The following HAPLN3 variants were observed in gnomAD, a reference collection of about 807,000 sequenced individuals.
The protein encoded by HAPLN3 is extracellular link domain containing, 1.
A neutral mutation model predicts 28.1 loss-of-function variants in HAPLN3; 28 were observed. The observed-to-expected ratio is 1.00, with a 90% CI of 0.74 to 1.37. HAPLN3 has a LOEUF of 1.37. Ranked by LOEUF, HAPLN3 falls within the 40% of genes most tolerant of loss-of-function variation. The pLI is 0.00. For missense variants in HAPLN3, 513 were observed against 504.6 expected (o/e 1.02, Z -0.16); for synonymous variants, 211 against 213.1 (o/e 0.99, Z 0.09).
At position 88,878,012 on chromosome 15, in the gene HAPLN3, C is replaced by T. The variant is rs762772291; in HGVS notation, c.1041G>A (p.Pro347=). ...PGVRSFGFPD[P]QSRLYGVYCY... The stretch of plus-strand genomic sequence containing the variant: ...AGTAAACACCGTACAAGCGGCTCTG[C>T]GGGTCGGGGAAGCCAAAGCTTCGGA... Residue 347 remains proline, a synonymous_variant, in exon 5 of 5, where the codon CCG becomes CCA. Transcript: ENST00000359595. The T allele has an allele frequency of 1.1e-5, 17 of 1,613,368 alleles. No individual in the cohort carries two copies. Among genetic ancestry groups the T allele is most frequent in the Middle Eastern group, 1.6e-4 (1 of 6,082 alleles).
intron 1 of HAPLN3, chr15:88,892,945 A>C: frequency 2.6e-6 from 4 of 1,533,044 alleles, no homozygotes; most frequent in Non-Finnish European, 3.5e-6. Flanking sequence ...ACCAGCTGGA[A>C]GGCCCAAGAC....
chr15:88,885,632 T>A (rs1252683014), intron 2 of HAPLN3, among the ~76,000 whole-genome samples: 1 of 152,114 alleles, frequency 6.6e-6, no homozygotes, highest in Non-Finnish European at 1.5e-5. Flanking sequence ...TACTTTTGTA[T>A]TTTTAGTAGA....
In HAPLN3 at chr15:88,879,251, T is replaced by A; in HGVS notation, c.512A>T (p.Gln171Leu). The change falls in exon 4 of 5, where the codon CAG becomes CTG. Residue 171 changes from glutamine to leucine, a missense_variant. Transcript: ENST00000359595. This position sits in a 1 kb window ranked among gnomAD's most constrained non-coding sequence, Gnocchi z 5.0. ...LELRGVVFPY[Q>L]SPNGRYQFNF... ...GAACTGGTAGCGCCCGTTGGGGGACTGGTAAGGAAAGACCACACCTGCAGG... is the reference window on the plus strand; with the variant it reads ...GAACTGGTAGCGCCCGTTGGGGGACAGGTAAGGAAAGACCACACCTGCAGG... 1.9e-6 allele frequency: 3 copies of A among 1,606,696 alleles called. No individual in the cohort carries two copies. The highest frequency in any genetic ancestry group is 1.3e-5 in the African/African-American group (1 of 74,946).
Position 88,881,576 on chromosome 15 carries a change from A to G in HAPLN3, c.274T>C (p.Ser92Pro). The G allele has an allele frequency of 6.2e-7, 1 of 1,614,030 alleles. No homozygotes were observed. Among genetic ancestry groups the G allele is most frequent in the South Asian group, 1.1e-5 (1 of 91,078 alleles). Residue 92 changes from serine (S) to proline (P), a missense_variant, in exon 3 of 5, where the codon TCG becomes CCG. Transcript: ENST00000359595. The surrounding 1 kb of genome is among the most constrained non-coding windows in gnomAD (Gnocchi z 6.0). ...RRVRVKWWKL[S>P]ENGAPEKDVL... is the part of the protein sequence containing the mutation. ...TCCTTCTCTGGGGCCCCGTTCTCCGACAGCTTCCACCATTTGACACGCACA... is the reference window on the plus strand; with the variant it reads ...TCCTTCTCTGGGGCCCCGTTCTCCGGCAGCTTCCACCATTTGACACGCACA...
intron 2 of HAPLN3, among the ~76,000 whole-genome samples, chr15:88,886,541 C>T (rs1399290495): frequency 1.3e-5 from 2 of 151,104 alleles, no homozygotes; most frequent in African/African-American, 4.9e-5. Flanking sequence ...GATTCAAACT[C>T]GGGCCAGGCA....
In HAPLN3 at chr15:88,881,589, T is replaced by A. The variant is rs776092317; in HGVS notation, c.261A>T (p.Lys87Asn). 4 of 1,613,962 alleles carry A rather than the reference T, an allele frequency of 2.5e-6. No individual in the cohort carries two copies. Residue 87 changes from lysine (K) to asparagine (N), a missense_variant, in exon 3 of 5, where the codon AAA (lysine) becomes AAT (asparagine). Lys to Asn is a moderately conservative substitution (Grantham distance 94). Coordinates refer to ENST00000359595, the MANE Select transcript of HAPLN3 (RefSeq NM_178232.4). The surrounding 1 kb of genome is among the most constrained non-coding windows in gnomAD (Gnocchi z 6.0). ...CCCCGTTCTCCGACAGCTTCCACCA[T>A]TTGACACGCACACGCCGCGGGGAGA... is the stretch of plus-strand genomic sequence containing the variant. Reference protein sequence around the residue: ...ALVSPRRVRVKWWKLSENGAP... With the variant: ...ALVSPRRVRVNWWKLSENGAP...
In HAPLN3 at chr15:88,879,152, G is replaced by C; in HGVS notation, c.611C>G (p.Ala204Gly). ...GCACCAGTCCAGGCCCTCCTCCCAG[G>C]CCCGGAAGAGCTGCTCAAAGGAGGC... The part of the protein sequence containing the change: ...VVASFEQLFR[A>G]WEEGLDWCNA... Residue 204 changes from alanine (A) to glycine (G), a missense_variant, in exon 4 of 5, where the codon GCC becomes GGC. Physicochemically the swap from Ala to Gly is moderately conservative, Grantham distance 60 (BLOSUM62 0). Transcript: ENST00000359595. This position sits in a 1 kb window ranked among gnomAD's most constrained non-coding sequence, Gnocchi z 5.0. The C allele has an allele frequency of 6.2e-7, 1 of 1,613,812 alleles. No homozygotes were observed. The highest frequency in any genetic ancestry group is 8.5e-7 in the Non-Finnish European group (1 of 1,179,968).
rs1897680578 is a variant in HAPLN3, at chr15:88,880,963, GT to G, written c.493+393del. On this transcript the variant is annotated intron_variant, in intron 3 of 4. Transcript: ENST00000359595. The surrounding 1 kb of genome is among the most constrained non-coding windows in gnomAD (Gnocchi z 6.0). ...TCCCCACCACTCCCATCGTCTCACA[GT>G]GGGCTGCCTCATTCGCTTGTGTTAC... is the stretch of plus-strand genomic sequence containing the variant. 6.6e-6 allele frequency among the ~76,000 whole-genome samples: 1 copy of G among 152,154 alleles called. No individual in the cohort carries two copies. The highest frequency in any genetic ancestry group is 2.4e-5 in the African/African-American group (1 of 41,430).
intron 1 of HAPLN3, among the ~76,000 whole-genome samples, chr15:88,892,479 A>G (rs1418904096): frequency 1.3e-5 from 2 of 151,968 alleles, no homozygotes; most frequent in African/African-American, 2.4e-5. Context: ...AAAGAAAAAC[A>G]AAAGGAATTA....
rs1488768224 is a variant in HAPLN3, at chr15:88,879,614, G to A, written c.494-345C>T. On this transcript the variant is annotated intron_variant, in intron 3 of 4. Coordinates refer to ENST00000359595, the MANE Select transcript of HAPLN3 (RefSeq NM_178232.4). This position sits in a 1 kb window ranked among gnomAD's most constrained non-coding sequence, Gnocchi z 5.0. ...ACAGGCCCGGGCTTTGGGCTCTAGGGGCCAGGTTTGACTCCCAGCTCCCCA... is the reference window on the plus strand; with the variant it reads ...ACAGGCCCGGGCTTTGGGCTCTAGGAGCCAGGTTTGACTCCCAGCTCCCCA... 2.3e-6 allele frequency: 3 copies of A among 1,283,444 alleles called. No homozygotes were observed. Among genetic ancestry groups the A allele is most frequent in the South Asian group, 1.4e-5 (1 of 71,182 alleles). The allele number at this position is 1,283,444 out of a possible 1,614,324, so 79.5% of individuals were successfully genotyped here. A position where few individuals can be genotyped will look rare whatever the true frequency, so the allele number is the denominator to read the frequency against.
rs534474719 is a variant in HAPLN3, at chr15:88,881,376, C to T, written c.474G>A (p.Leu158=). The change falls in exon 3 of 5, where the codon CTG becomes CTA. Residue 158 remains leucine, a synonymous_variant. Coordinates refer to ENST00000359595, the MANE Select transcript of HAPLN3 (RefSeq NM_178232.4). The surrounding 1 kb of genome is among the most constrained non-coding windows in gnomAD (Gnocchi z 6.0). The part of the protein sequence containing the change: ...VIDGLEDESG[L]VELELRGVVF... ...TCTCACCCCGCAGCTCCAGCTCCAC[C>T]AGACCGCTTTCATCCTCCAGCCCGT... The T allele has an allele frequency of 6.2e-7, 1 of 1,612,746 alleles. No homozygotes were observed. The highest frequency in any genetic ancestry group is 1.1e-5 in the South Asian group (1 of 90,978).
In HAPLN3 at chr15:88,880,910, C is replaced by A. The variant is rs558105291; in HGVS notation, c.493+447G>T. ...GAGTAGTGTGGGAGCTCCCTGGGCA[C>A]AGGACAAGGGCTCAGGAGTGTGCCC... On this transcript the variant is annotated intron_variant, in intron 3 of 4. Coordinates refer to ENST00000359595, the MANE Select transcript of HAPLN3 (RefSeq NM_178232.4). The surrounding 1 kb of genome is among the most constrained non-coding windows in gnomAD (Gnocchi z 6.0). Among the ~76,000 whole-genome samples, 5 of 152,282 alleles carry A rather than the reference C, an allele frequency of 3.3e-5. No homozygotes were observed. The highest frequency in any genetic ancestry group is 6.5e-5 in the Admixed American group (1 of 15,300).
In HAPLN3 at chr15:88,878,999, T is replaced by A; in HGVS notation, c.764A>T (p.Tyr255Phe). The part of the protein sequence containing the change: ...YGPRHRRLHR[Y>F]DVFCFATALK... Reference sequence around the variant, plus strand: ...GGCAGTAGCGAAGCAGAATACATCATAGCGGTGCAGGCGGCGGTGGCGGGG... The same window carrying A: ...GGCAGTAGCGAAGCAGAATACATCAAAGCGGTGCAGGCGGCGGTGGCGGGG... Residue 255 changes from tyrosine (Y) to phenylalanine (F), a missense_variant, in exon 4 of 5, where the codon TAT (tyrosine) becomes TTT (phenylalanine). Transcript: ENST00000359595. 6.2e-7 allele frequency: 1 copy of A among 1,610,666 alleles called. No homozygotes were observed. Among genetic ancestry groups the A allele is most frequent in the South Asian group, 1.1e-5 (1 of 90,556 alleles).
chr15:88,881,690 G>T lies in HAPLN3; in HGVS notation c.160C>A (p.Pro54Thr). The T allele has an allele frequency of 6.2e-7, 1 of 1,613,548 alleles. No individual in the cohort carries two copies. Among genetic ancestry groups the T allele is most frequent in the Non-Finnish European group, 8.5e-7 (1 of 1,179,894 alleles). ...TGGTAGGTGAACAGGGTCTCCTCGG[G>T]TGTCTCCACCACCAGCTTCACTCCA... ...LNGVKLVVET[P>T]EETLFTYQGA... Residue 54 changes from proline to threonine, a missense_variant, in exon 3 of 5, where the codon CCC (proline) becomes ACC (threonine). Transcript: ENST00000359595. This position sits in a 1 kb window ranked among gnomAD's most constrained non-coding sequence, Gnocchi z 6.0.
At position 88,881,863 on chromosome 15, in the gene HAPLN3, T is replaced by C. The variant is rs1172281643; in HGVS notation, c.125-138A>G. The C allele has an allele frequency of 1.3e-6, 1 of 775,548 alleles. No individual in the cohort carries two copies. The highest frequency in any genetic ancestry group is 2.7e-5 in the East Asian group (1 of 37,570). The allele number at this position is 775,548 out of a possible 1,614,324, so 48.0% of individuals were successfully genotyped here. On this transcript the variant is annotated intron_variant, in intron 2 of 4. Transcript: ENST00000359595. The surrounding 1 kb of genome is among the most constrained non-coding windows in gnomAD (Gnocchi z 6.0). The stretch of plus-strand genomic sequence containing the variant: ...CCACCATGCTCCACCCCTCCCTGTA[T>C]CCACATGCTCTGCAATGTGACTTTG...
rs190887433 is a variant in HAPLN3 at position 88,883,218 on chromosome 15, A to G, written c.125-1493T>C. On this transcript the variant is annotated intron_variant, in intron 2 of 4. Transcript: ENST00000359595. ...ATCACCAGGAATTTGTCAGAAATGCACATTGTGGGGTCCCAGTGCCTCAGA... is the reference window on the plus strand; with the variant it reads ...ATCACCAGGAATTTGTCAGAAATGCGCATTGTGGGGTCCCAGTGCCTCAGA... Among the ~76,000 whole-genome samples the G allele has an allele frequency of 1.3e-5, 2 of 152,332 alleles. 1 individual carries two copies. Among genetic ancestry groups the G allele is most frequent in the Admixed American group, 1.3e-4 (2 of 15,302 alleles).
chr15:88,882,574 C>T (rs1290050317), intron 2 of HAPLN3, among the ~76,000 whole-genome samples: 2 of 152,228 alleles, frequency 1.3e-5, no homozygotes, highest in Non-Finnish European at 1.5e-5. Flanking sequence ...TACAAATACA[C>T]ACAGAACTCA....
intron 1 of HAPLN3, among the ~76,000 whole-genome samples, chr15:88,893,947 GGGGT>G (rs145759849): frequency 0.3 from 38,265 of 128,706 alleles, 6,064 homozygotes; most frequent in African/African-American, 0.41. Flanking sequence ...AAAAAAAGTT[GGGGT>G]GGGGGGGGCG....
In HAPLN3 at chr15:88,881,343, C is replaced by T. The variant is rs748423568; in HGVS notation, c.493+14G>A. The T allele has an allele frequency of 5.1e-5, 81 of 1,602,712 alleles. No homozygotes were observed. Among genetic ancestry groups the T allele is most frequent in the Admixed American group, 3.7e-4 (22 of 59,524 alleles). ...TCAGGTCCCAGTGTCACCCAGTCCC[C>T]GTTAGCATCTCACCCCGCAGCTCCA... is the stretch of plus-strand genomic sequence containing the variant. On this transcript the variant is annotated intron_variant, in intron 3 of 4. Coordinates refer to ENST00000359595, the MANE Select transcript of HAPLN3 (RefSeq NM_178232.4). The surrounding 1 kb of genome is among the most constrained non-coding windows in gnomAD (Gnocchi z 6.0).
Sources: gnomAD v4.1 joint callset for allele counts (sites outside exome capture counted in the v4.1 genomes callset) on GRCh38, gnomAD v4.1.1 for gene constraint, Gnocchi (gnomAD v3.1) non-coding constraint, MANE v1.5 for transcripts, NCBI Gene and HGNC (gene_info 2026-07-23, HGNC 2026-07-21) for gene names.